The following CAST variants were observed in gnomAD, a reference collection of about 807,000 sequenced individuals.
CAST encodes the protein MIR583 host.
A neutral mutation model predicts 119.6 loss-of-function variants in CAST; 76 were observed. That is an observed-to-expected ratio of 0.64 (90% CI 0.53 to 0.77). The LOEUF is 0.77. Ranked by LOEUF, CAST falls within the 30% of genes least tolerant of loss-of-function variation. CAST has a pLI of 0.00. For synonymous variants in CAST, 319 were observed against 331.6 expected (o/e 0.96, Z 0.41); for missense variants, 953 against 946.5 (o/e 1.01, Z -0.09).
the CAST span, among the ~76,000 whole-genome samples, chr5:96,284,089 T>C: frequency 6.6e-6 from 1 of 152,134 alleles, no homozygotes; most frequent in African/African-American, 2.4e-5. Context: ...CTTCTGCAAC[T>C]GTTCACTACT....
upstream of CAST, among the ~76,000 whole-genome samples, chr5:96,525,599 T>C (rs1745585448): frequency 6.6e-6 from 1 of 152,202 alleles, no homozygotes; most frequent in Non-Finnish European, 1.5e-5. Context: ...TCTACTTAAA[T>C]ATTATCTATA....
the CAST span, chr5:95,961,917 C>T: frequency 4.4e-6 from 3 of 682,370 alleles, no homozygotes; most frequent in African/African-American, 5.7e-5. Flanking sequence ...CGCGCCCCGC[C>T]CCGGGCTCGT....
At chr5:96,265,817 C>T in the CAST span, among the ~76,000 whole-genome samples, 1 of 152,076 alleles carries the variant, frequency 6.6e-6, no homozygotes, top group African/African-American at 2.4e-5. Flanking sequence ...TGTTTGTTTG[C>T]CATCTACAAA....
intron 1 of CAST, among the ~76,000 whole-genome samples, chr5:96,655,711 A>C (rs1479245527): frequency 6.6e-6 from 1 of 152,268 alleles, no homozygotes; most frequent in Non-Finnish European, 1.5e-5. Context: ...TGTGGGCACA[A>C]TAGTTGGTTA....
the CAST span, among the ~76,000 whole-genome samples, chr5:96,325,140 G>T: frequency 1.3e-5 from 2 of 151,960 alleles, no homozygotes; most frequent in African/African-American, 2.4e-5. Context: ...GGAGGTAGAG[G>T]TTGCGGTTAC....
the CAST span, among the ~76,000 whole-genome samples, chr5:96,217,079 C>T: frequency 6.6e-6 from 1 of 151,970 alleles, no homozygotes; most frequent in African/African-American, 2.4e-5. Flanking sequence ...CACTCAGTTG[C>T]CCAAGGTGGA....
At chr5:96,462,111 C>T in the CAST span, among the ~76,000 whole-genome samples, 2 of 152,106 alleles carry the variant, frequency 1.3e-5, no homozygotes, top group Admixed American at 6.6e-5. Flanking sequence ...AGCACGGACT[C>T]TTCCCAACCA....
At chr5:96,462,239 A>G in the CAST span, among the ~76,000 whole-genome samples, 13 of 152,248 alleles carry the variant, frequency 8.5e-5, no homozygotes, top group African/African-American at 3.1e-4. Flanking sequence ...TCTAAGCTCC[A>G]TGAGGTCTGG....
At chr5:96,134,730 T>C in the CAST span, among the ~76,000 whole-genome samples, 1 of 152,210 alleles carries the variant, frequency 6.6e-6, no homozygotes, top group Non-Finnish European at 1.5e-5. Flanking sequence ...CCAGTCAATA[T>C]TTATGGAGTG....
chr5:96,162,411 T>C, the CAST span, among the ~76,000 whole-genome samples: 1 of 151,996 alleles, frequency 6.6e-6, no homozygotes, highest in African/African-American at 2.4e-5. Flanking sequence ...GGATGGTATA[T>C]TGTTTGTTTG....
intron 1 of CAST, among the ~76,000 whole-genome samples, chr5:96,672,067 T>C (rs1580908257): frequency 6.6e-6 from 1 of 152,318 alleles, no homozygotes; most frequent in Non-Finnish European, 1.5e-5. Flanking sequence ...TGTCTTAGGG[T>C]GATAATAGTA....
At chr5:96,675,217 G>A (rs75639149) in intron 1 of CAST, among the ~76,000 whole-genome samples, 324 of 152,264 alleles carry the variant, frequency 2.1e-3, no homozygotes, top group African/African-American at 7.6e-3. Context: ...TCATCTCCTT[G>A]ATGAATGAGA....
chr5:96,004,007 G>A, the CAST span, among the ~76,000 whole-genome samples: 1 of 152,156 alleles, frequency 6.6e-6, no homozygotes, highest in Non-Finnish European at 1.5e-5. Context: ...AGAAGAAGGG[G>A]TGGCATACAT....
chr5:96,604,616 T>C (rs1438722714), intron 1 of CAST, among the ~76,000 whole-genome samples: 1 of 152,124 alleles, frequency 6.6e-6, no homozygotes, highest in Non-Finnish European at 1.5e-5. Context: ...AGTGAACAAA[T>C]GCTAAAGGAC....
intron 1 of CAST, among the ~76,000 whole-genome samples, chr5:96,566,880 A>G (rs1366228845): frequency 2.0e-5 from 3 of 152,202 alleles, no homozygotes; most frequent in African/African-American, 7.2e-5. Context: ...AGTTTGTAAA[A>G]CACTGAGAGT....
chr5:96,574,934 A>G (rs886789384), intron 1 of CAST, among the ~76,000 whole-genome samples: 1 of 152,136 alleles, frequency 6.6e-6, no homozygotes, highest in Admixed American at 6.6e-5. Flanking sequence ...AAACCATAGA[A>G]TTGGTTTGTA....
the CAST span, among the ~76,000 whole-genome samples, chr5:96,499,619 T>C: frequency 5.9e-5 from 9 of 152,348 alleles, no homozygotes; most frequent in Non-Finnish European, 1.2e-4. Flanking sequence ...GTTTGTCTTA[T>C]TGACTGACTC....
At chr5:96,717,146 T>G (rs34942552) in intron 3 of CAST, among the ~76,000 whole-genome samples, 15,129 of 151,952 alleles carry the variant, frequency 0.1, 985 homozygotes, top group Middle Eastern at 0.17. Flanking sequence ...CTGTGGGGAG[T>G]AGAAATGACC....
chr5:96,685,554 TGG>T (rs1442078432), intron 2 of CAST, among the ~76,000 whole-genome samples: 1 of 152,248 alleles, frequency 6.6e-6, no homozygotes, highest in Non-Finnish European at 1.5e-5. Context: ...CAAAATCTCA[TGG>T]CAAATTTACA....
Sources: allele counts gnomAD v4.1 joint callset (sites outside exome capture counted in the v4.1 genomes callset), GRCh38; gene constraint gnomAD v4.1.1; transcripts MANE v1.5; gene names NCBI Gene and HGNC (gene_info 2026-07-23, HGNC 2026-07-21).